The following CAMK1D variants were observed in gnomAD, a reference collection of about 807,000 sequenced individuals.
The protein encoded by CAMK1D is calcium/calmodulin dependent protein kinase ID.
CAMK1D carries 9 observed loss-of-function variants against 47.7 expected under a neutral mutation model. The observed-to-expected ratio is 0.19, with a 90% CI of 0.11 to 0.33. The LOEUF (loss-of-function observed/expected upper bound fraction) is 0.33, where lower values mean the gene tolerates loss of function less well. Ranked by LOEUF, CAMK1D falls within the 10% of genes least tolerant of loss-of-function variation. The probability of loss-of-function intolerance (pLI) is 1.00; values close to 1 mark genes in which losing one functional copy is unlikely to be tolerated. For synonymous variants in CAMK1D, 184 were observed against 184.9 expected, an observed-to-expected ratio of 0.99 and a Z score of 0.04; for missense variants, 291 against 488.7, an observed-to-expected ratio of 0.60 and a Z score of 3.81.
rs1833471999 is a variant in CAMK1D, at chr10:12,834,446, GGAAGC to G, written c.*5560_*5564del. On this transcript the variant is annotated 3_prime_UTR_variant, in exon 11 of 11. Coordinates refer to ENST00000619168, the MANE Select transcript of CAMK1D (RefSeq NM_153498.4). The stretch of plus-strand genomic sequence containing the variant: ...GCAAACCCAAAAAGGCTGTGCATTT[GGAAGC>G]CAAACGCTCAGCATGCGGCTGCCGA... 6.6e-6 allele frequency: 1 copy of G among 152,096 alleles called. No individual in the cohort carries two copies. Among genetic ancestry groups the G allele is most frequent in the Non-Finnish European group, 1.5e-5 (1 of 68,030 alleles). 9.4% of individuals were successfully genotyped at this position (152,096 alleles called of 1,614,324 possible). A position where few individuals can be genotyped will look rare whatever the true frequency, so the allele number is the denominator to read the frequency against.
chr10:12,794,480 A>T (rs555458191), intron 6 of CAMK1D, among the ~76,000 whole-genome samples: 4 of 152,234 alleles, frequency 2.6e-5, no homozygotes, highest in Admixed American at 2.0e-4. Flanking sequence ...CGTACTTCTG[A>T]GTATGATTTG....
chr10:12,401,836 T>C (rs1409073405), intron 1 of CAMK1D, among the ~76,000 whole-genome samples: 2 of 150,094 alleles, frequency 1.3e-5, no homozygotes, highest in African/African-American at 2.5e-5. Context: ...TATAGGGGAG[T>C]AGTGAGAGAG....
intron 1 of CAMK1D, among the ~76,000 whole-genome samples, chr10:12,451,224 G>GC (rs1362969975): frequency 7.2e-5 from 11 of 152,188 alleles, no homozygotes; most frequent in African/African-American, 2.7e-4. Context: ...AGTCCGCCTA[G>GC]CCCCCTGCAG....
chr10:12,638,917 G>A (rs570844816), intron 2 of CAMK1D, among the ~76,000 whole-genome samples: 3 of 152,266 alleles, frequency 2.0e-5, no homozygotes, highest in South Asian at 2.1e-4. Context: ...ACTTCTCTCC[G>A]CATCCTTGTC....
chr10:12,476,627 T>G (rs1308294261), intron 1 of CAMK1D, among the ~76,000 whole-genome samples: 1 of 152,166 alleles, frequency 6.6e-6, no homozygotes, highest in East Asian at 1.9e-4. Context: ...ATTTCGGGAA[T>G]CTGGAGTGGG....
chr10:12,763,425 C>T (rs1450991267), intron 4 of CAMK1D, among the ~76,000 whole-genome samples: 1 of 152,148 alleles, frequency 6.6e-6, no homozygotes, highest in Non-Finnish European at 1.5e-5. Flanking sequence ...TGTCTTGTTG[C>T]CCTGAGAAGC....
At chr10:12,806,485 G>A (rs2131053678) in intron 6 of CAMK1D, among the ~76,000 whole-genome samples, 1 of 152,324 alleles carries the variant, frequency 6.6e-6, no homozygotes, top group Non-Finnish European at 1.5e-5. Flanking sequence ...TCCTGCAGCA[G>A]CTGTGGAGGA....
At chr10:12,419,394 A>C (rs1295052626) in intron 1 of CAMK1D, among the ~76,000 whole-genome samples, 1 of 152,150 alleles carries the variant, frequency 6.6e-6, no homozygotes, top group African/African-American at 2.4e-5. Flanking sequence ...AACATTTTCC[A>C]ATGTTGGGTA....
intron 3 of CAMK1D, among the ~76,000 whole-genome samples, chr10:12,737,339 CA>C (rs1453431288): frequency 6.6e-6 from 1 of 152,148 alleles, no homozygotes; most frequent in African/African-American, 2.4e-5. Flanking sequence ...CCAGAAGGAT[CA>C]TCCTAGACAG....
At chr10:12,379,936 C>T (rs951702821) in intron 1 of CAMK1D, among the ~76,000 whole-genome samples, 5 of 152,006 alleles carry the variant, frequency 3.3e-5, no homozygotes, top group South Asian at 2.1e-4. Context: ...TGTTGTTGGC[C>T]GGGCGCGGTG....
At chr10:12,694,494 C>A (rs1183376117) in intron 3 of CAMK1D, among the ~76,000 whole-genome samples, 14 of 98,046 alleles carry the variant, frequency 1.4e-4, no homozygotes, top group African/African-American at 3.7e-4. Flanking sequence ...TGATATATAA[C>A]ATAAAATATA....
At chr10:12,722,012 TAAGGG>T (rs1834399302) in intron 3 of CAMK1D, among the ~76,000 whole-genome samples, 1 of 152,100 alleles carries the variant, frequency 6.6e-6, no homozygotes, top group South Asian at 2.1e-4. Context: ...GTCCCTTTTA[TAAGGG>T]CGTTAATCCC....
rs1211008639 is a variant in CAMK1D at position 12,699,996 on chromosome 10, T to A, written c.299+33186T>A. Among the ~76,000 whole-genome samples, 3 of 148,756 alleles carry A rather than the reference T, an allele frequency of 2.0e-5. No individual in the cohort carries two copies. In the East Asian group the frequency reaches 5.8e-4, roughly 29 times the overall value. ...GCAAGCTAGTACACATTTATTTTGGTGCAAAAAAAAAATGGAAATTCATGC... is the reference window on the plus strand; with the variant it reads ...GCAAGCTAGTACACATTTATTTTGGAGCAAAAAAAAAATGGAAATTCATGC... On this transcript the variant is annotated intron_variant, in intron 3 of 10. Coordinates refer to ENST00000619168, the MANE Select transcript of CAMK1D (RefSeq NM_153498.4).
intron 1 of CAMK1D, among the ~76,000 whole-genome samples, chr10:12,529,774 G>A (rs1242151712): frequency 6.6e-6 from 1 of 152,180 alleles, no homozygotes; most frequent in African/African-American, 2.4e-5. Context: ...GGGAAAAGTC[G>A]TGAAGAAAGC....
intron 1 of CAMK1D, among the ~76,000 whole-genome samples, chr10:12,412,653 T>C (rs557316332): frequency 1.7e-5 from 2 of 116,838 alleles, no homozygotes; most frequent in African/African-American, 6.8e-5. Flanking sequence ...CGAGATCGTG[T>C]CACTGCACTC....
At chr10:12,443,325 C>T (rs778009314) in intron 1 of CAMK1D, among the ~76,000 whole-genome samples, 2 of 152,166 alleles carry the variant, frequency 1.3e-5, no homozygotes, top group Non-Finnish European at 1.5e-5. Context: ...ATGTTGCCTC[C>T]ATTCTGAGAA....
chr10:12,765,472 G>A (rs1285374410), intron 4 of CAMK1D, among the ~76,000 whole-genome samples: 1 of 152,184 alleles, frequency 6.6e-6, no homozygotes, highest in Non-Finnish European at 1.5e-5. Flanking sequence ...CTTAGACATT[G>A]ACAAAGGCCC....
At chr10:12,418,644 A>G (rs926118546) in intron 1 of CAMK1D, among the ~76,000 whole-genome samples, 16 of 152,192 alleles carry the variant, frequency 1.1e-4, no homozygotes, top group Admixed American at 5.2e-4. Context: ...CCAACTAGCA[A>G]TGTGTGAGCA....
intron 4 of CAMK1D, among the ~76,000 whole-genome samples, chr10:12,761,572 A>G (rs1836510048): frequency 6.6e-6 from 1 of 152,136 alleles, no homozygotes; most frequent in Non-Finnish European, 1.5e-5. Flanking sequence ...GAAGAGAAAT[A>G]GAAGGGAAAA....
Sources: gnomAD v4.1 joint callset for allele counts (sites outside exome capture counted in the v4.1 genomes callset) on GRCh38, gnomAD v4.1.1 for gene constraint, MANE v1.5 for transcripts, NCBI Gene and HGNC (gene_info 2026-07-23, HGNC 2026-07-21) for gene names.